Variants in BICC1 observed in about 807,000 individuals in gnomAD.
The protein encoded by BICC1 is protein bicaudal C homolog 1.
In BICC1, 43 loss-of-function variants were observed where a neutral mutation model predicts 111.0. The ratio of observed to expected loss-of-function variants is 0.39; its 90% CI spans 0.30 to 0.50. The LOEUF is 0.50. BICC1 is among the 20% of genes least tolerant of loss of function. The pLI, the probability that BICC1 is intolerant of heterozygous loss-of-function variation, is 0.88. For synonymous variants in BICC1, 467 were observed against 434.4 expected (o/e 1.07, Z -0.93); for missense variants, 1,091 against 1,203.2 (o/e 0.91, Z 1.38).
chr10:58,715,908 T>C (rs1157967348), intron 3 of BICC1: 1 of 1,254,658 alleles, frequency 8.0e-7, no homozygotes, highest in South Asian at 1.3e-5. Flanking sequence ...GCAATTCTTC[T>C]GATTCTGAAG....
chr10:58,664,795 A>G (rs1273534305), intron 2 of BICC1, among the ~76,000 whole-genome samples: 1 of 152,060 alleles, frequency 6.6e-6, no homozygotes, highest in African/African-American at 2.4e-5. Context: ...TAATACCCAC[A>G]ATGGTTACTT....
intron 3 of BICC1, among the ~76,000 whole-genome samples, chr10:58,704,226 C>T (rs1235434292): frequency 6.6e-6 from 1 of 152,154 alleles, no homozygotes; most frequent in Admixed American, 6.6e-5. Flanking sequence ...GAATTGATCC[C>T]TTCAGGCCTG....
At chr10:58,670,882 A>G (rs1839163348) in intron 2 of BICC1, among the ~76,000 whole-genome samples, 2 of 152,204 alleles carry the variant, frequency 1.3e-5, no homozygotes, top group African/African-American at 4.8e-5. Flanking sequence ...CTACTGACAC[A>G]TGCAACAATA....
chr10:58,830,019 T>G lies in BICC1; in HGVS notation c.*1128T>G, dbSNP rs187119569. The G allele has an allele frequency of 1.3e-5, 2 of 152,254 alleles. No homozygotes were observed. The highest frequency in any genetic ancestry group is 4.8e-5 in the African/African-American group (2 of 41,576). 9.4% of individuals were successfully genotyped at this position (152,254 alleles called of 1,614,324 possible). On this transcript the variant is annotated 3_prime_UTR_variant, in exon 21 of 21. Transcript: ENST00000373886. ...ATCCTTATCATGTACACGTTAGCTA[T>G]GTTCCGTATGGCCACAGGACTTTCC... is the stretch of plus-strand genomic sequence containing the variant.
Position 58,783,628 on chromosome 10 carries a change from T to A in BICC1, c.308-1373T>A, listed in dbSNP as rs111879715. ...TAAATTGTGAAAGGTGTGAAAGGTG[T>A]GAAAGGTGCTCAGTAAACATTTACT... is the stretch of plus-strand genomic sequence containing the variant. On this transcript the variant is annotated intron_variant, in intron 3 of 20. Coordinates refer to ENST00000373886, the MANE Select transcript of BICC1 (RefSeq NM_001080512.3). Among the ~76,000 whole-genome samples the A allele has an allele frequency of 3.6e-3, 385 of 107,372 alleles. 1 individual carries two copies. The highest frequency in any genetic ancestry group is 0.012 in the African/African-American group (367 of 31,596). 70.4% of individuals were successfully genotyped at this position (107,372 alleles called of 152,430 possible).
intron 3 of BICC1, among the ~76,000 whole-genome samples, chr10:58,713,004 T>C (rs1043606287): frequency 2.6e-5 from 4 of 152,224 alleles, no homozygotes; most frequent in Non-Finnish European, 5.9e-5. Flanking sequence ...CATTTTAAAA[T>C]ATACTATATG....
chr10:58,530,521 A>G (rs1429583186), intron 1 of BICC1, among the ~76,000 whole-genome samples: 2 of 151,744 alleles, frequency 1.3e-5, no homozygotes, highest in Admixed American at 6.6e-5. Context: ...GGGAAGTAAT[A>G]AAGAAGTATG....
chr10:58,679,783 C>T lies in BICC1; in HGVS notation c.238-22291C>T, dbSNP rs187219697. On this transcript the variant is annotated intron_variant, in intron 2 of 20. Transcript: ENST00000373886. Reference sequence around the variant, plus strand: ...CCTGATGAACATCAATGCAAAAATCCTCAATAAAATACTGGCAAACCGGAT... The same window carrying T: ...CCTGATGAACATCAATGCAAAAATCTTCAATAAAATACTGGCAAACCGGAT... 1.5e-3 allele frequency among the ~76,000 whole-genome samples: 233 copies of T among 152,186 alleles called. 2 individuals are homozygous for T. Among genetic ancestry groups the T allele is most frequent in the Non-Finnish European group, 2.8e-3 (188 of 68,010 alleles).
At chr10:58,716,258 G>T (rs1840737141) in intron 3 of BICC1, 1 of 1,499,176 alleles carries the variant, frequency 6.7e-7, no homozygotes, top group Non-Finnish European at 9.0e-7. Flanking sequence ...AAGAAGAAAA[G>T]GCTGTTAGTT....
chr10:58,542,308 G>A (rs1045977684), intron 1 of BICC1, among the ~76,000 whole-genome samples: 1 of 151,938 alleles, frequency 6.6e-6, no homozygotes, highest in Non-Finnish European at 1.5e-5. Flanking sequence ...AACAGATGAT[G>A]TTGGAAAAAC....
chr10:58,546,655 C>T (rs1472710170), intron 1 of BICC1, among the ~76,000 whole-genome samples: 1 of 152,016 alleles, frequency 6.6e-6, no homozygotes, highest in Admixed American at 6.6e-5. Context: ...CTCATAGTTG[C>T]AGGAAAAACC....
chr10:58,626,421 C>G (rs548791738), intron 2 of BICC1, among the ~76,000 whole-genome samples: 1 of 152,126 alleles, frequency 6.6e-6, no homozygotes, highest in Non-Finnish European at 1.5e-5. Context: ...CTTTCCACCC[C>G]GTAAAGGTTG....
chr10:58,795,969 T>C (rs540645582), intron 9 of BICC1, among the ~76,000 whole-genome samples: 6 of 152,222 alleles, frequency 3.9e-5, no homozygotes, highest in Admixed American at 3.3e-4. Flanking sequence ...GGAACCCAGG[T>C]TCCCATCCTC....
chr10:58,762,396 CA>C (rs1842340304), intron 3 of BICC1, among the ~76,000 whole-genome samples: 1 of 152,018 alleles, frequency 6.6e-6, no homozygotes, highest in African/African-American at 2.4e-5. Flanking sequence ...CTGAGTACAG[CA>C]ACAAAAAATA....
At chr10:58,549,639 TTTG>T (rs1843238964) in intron 1 of BICC1, among the ~76,000 whole-genome samples, 2 of 152,008 alleles carry the variant, frequency 1.3e-5, no homozygotes, top group South Asian at 2.1e-4. Context: ...GGCCCTTTTT[TTTG>T]TTGTTGTTAT....
At chr10:58,535,674 AG>A (rs1020318850) in intron 1 of BICC1, among the ~76,000 whole-genome samples, 1 of 151,740 alleles carries the variant, frequency 6.6e-6, no homozygotes, top group Non-Finnish European at 1.5e-5. Context: ...AACACAGTGA[AG>A]AAAAGAAAGT....
chr10:58,799,573 G>A (rs1843471401), intron 12 of BICC1, among the ~76,000 whole-genome samples: 1 of 152,094 alleles, frequency 6.6e-6, no homozygotes, highest in South Asian at 2.1e-4. Flanking sequence ...TGGCTAGCCA[G>A]TTTTCCCAGC....
chr10:58,707,512 C>T (rs1463488105), intron 3 of BICC1, among the ~76,000 whole-genome samples: 1 of 151,828 alleles, frequency 6.6e-6, no homozygotes, highest in Non-Finnish European at 1.5e-5. Context: ...AGTGTAAGGG[C>T]ATTGTTTGTT....
At chr10:58,686,947 G>A (rs542827739) in intron 2 of BICC1, among the ~76,000 whole-genome samples, 11 of 152,304 alleles carry the variant, frequency 7.2e-5, no homozygotes, top group South Asian at 4.1e-4. Context: ...GAGAAGAGGC[G>A]CTCTGATTTT....
Sources: gnomAD v4.1 joint callset for allele counts (sites outside exome capture counted in the v4.1 genomes callset) on GRCh38, gnomAD v4.1.1 for gene constraint, MANE v1.5 for transcripts, NCBI Gene and HGNC (gene_info 2026-07-23, HGNC 2026-07-21) for gene names.